DEFB114: variants seen among roughly 807,000 people sequenced by gnomAD.
The protein encoded by DEFB114 is beta-defensin 114.
DEFB114 carries 4 observed loss-of-function variants against 2.4 expected under a neutral mutation model. The ratio of observed to expected loss-of-function variants is 1.67; its 90% CI spans 0.82 to 3.82. The LOEUF (loss-of-function observed/expected upper bound fraction) is 3.82. Among genes scored for constraint, DEFB114 ranks in the 30% most tolerant of loss-of-function variants. The pLI, the probability that DEFB114 is intolerant of heterozygous loss-of-function variation, is 0.01. For synonymous variants in DEFB114, 35 were observed against 24.6 expected, an observed-to-expected ratio of 1.42 and a Z score of -1.26; for missense variants, 113 against 85.8, an observed-to-expected ratio of 1.32 and a Z score of -1.25.
intron 1 of DEFB114, among the ~76,000 whole-genome samples, chr6:49,962,691 T>C (rs1400269055): frequency 1.3e-5 from 2 of 150,434 alleles, no homozygotes; most frequent in African/African-American, 4.8e-5. Context: ...TGCTTTATTG[T>C]TTTGCCTTTT....
At chr6:49,961,107 A>G (rs1016150198) in intron 1 of DEFB114, among the ~76,000 whole-genome samples, 1 of 150,684 alleles carries the variant, frequency 6.6e-6, no homozygotes, top group South Asian at 2.1e-4. Flanking sequence ...TATGTCACCA[A>G]TTGGTCTTCC....
At chr6:49,962,212 A>G (rs1357640849) in intron 1 of DEFB114, among the ~76,000 whole-genome samples, 3 of 150,492 alleles carry the variant, frequency 2.0e-5, no homozygotes, top group African/African-American at 7.3e-5. Flanking sequence ...TTCCAGAAGC[A>G]TTGAATAATA....
intron 1 of DEFB114, among the ~76,000 whole-genome samples, chr6:49,961,003 T>A (rs1236243650): frequency 6.6e-6 from 1 of 150,786 alleles, no homozygotes; most frequent in Non-Finnish European, 1.5e-5. Flanking sequence ...ATTTTTTACA[T>A]GCTTTGTTGA....
At chr6:49,963,856 A>G (rs534750447) in intron 1 of DEFB114, among the ~76,000 whole-genome samples, 195 bp downstream of exon 1, 2 of 150,096 alleles carry the variant, frequency 1.3e-5, no homozygotes, top group East Asian at 1.9e-4. Context: ...TTTTATCTAC[A>G]TATTTGGAGA....
chr6:49,962,291 C>CCT (rs1318466258), intron 1 of DEFB114, among the ~76,000 whole-genome samples: 1 of 150,362 alleles, frequency 6.7e-6, no homozygotes, highest in Non-Finnish European at 1.5e-5. Flanking sequence ...TGAATGTAGA[C>CCT]ACCTCATATA....
chr6:49,962,791 GCAATGGAAC>G (rs1339523970), intron 1 of DEFB114, among the ~76,000 whole-genome samples: 1 of 150,184 alleles, frequency 6.7e-6, no homozygotes, highest in Non-Finnish European at 1.5e-5. Context: ...ATATGGCTAT[GCAATGGAAC>G]CAGCCCTATT....
chr6:49,963,916 C>A (rs1417828238), intron 1 of DEFB114, 135 bp downstream of exon 1: 2 of 636,176 alleles, frequency 3.1e-6, no homozygotes, highest in Non-Finnish European at 5.3e-6. Flanking sequence ...ATGAGGAAAC[C>A]AAGATTCAGT....
At chr6:49,960,867 T>C (rs369643641) in intron 1 of DEFB114, among the ~76,000 whole-genome samples, 5 of 150,964 alleles carry the variant, frequency 3.3e-5, no homozygotes, top group South Asian at 4.1e-4. Flanking sequence ...ATCCTTATGA[T>C]AGTTGTAAAA....
intron 1 of DEFB114, among the ~76,000 whole-genome samples, chr6:49,963,455 G>A (rs550022417): frequency 6.7e-6 from 1 of 149,816 alleles, no homozygotes; most frequent in African/African-American, 2.4e-5. Context: ...GTTTGTAACT[G>A]TCATTTTAAT....
Position 49,964,135 on chromosome 6 carries a change from A to G in DEFB114, c.-30T>C. The G allele has an allele frequency of 2.7e-6, 4 of 1,496,506 alleles. No individual in the cohort carries two copies. The South Asian group carries it at 3.6e-5, about 14-fold the overall frequency. The allele number at this position is 1,496,506 out of a possible 1,614,324, so 92.7% of individuals were successfully genotyped here. On this transcript the variant is annotated 5_prime_UTR_variant, in exon 1 of 2. Transcript: ENST00000322066. ...TAGAAAGAAGTTGTTGAAAGACTTG[A>G]TAACAGAATATAGAGACTATAGAAC...
chr6:49,962,397 T>C (rs1773477350), intron 1 of DEFB114, among the ~76,000 whole-genome samples: 1 of 150,486 alleles, frequency 6.6e-6, no homozygotes, highest in Admixed American at 6.6e-5. Flanking sequence ...CTAATAAATA[T>C]CTATCATTTA....
intron 1 of DEFB114, 21 bp downstream of exon 1, chr6:49,964,030 T>A: frequency 6.5e-7 from 1 of 1,529,602 alleles, no homozygotes; most frequent in Non-Finnish European, 8.9e-7. Context: ...TACACAAATA[T>A]AACAGAGACA....
intron 1 of DEFB114, among the ~76,000 whole-genome samples, chr6:49,963,496 A>C (rs1450088481): frequency 6.7e-6 from 1 of 149,806 alleles, no homozygotes; most frequent in Non-Finnish European, 1.5e-5. Context: ...CATCAGTTAA[A>C]ATTTTAGTTA....
chr6:49,962,725 T>G (rs1300925127), intron 1 of DEFB114, among the ~76,000 whole-genome samples: 1 of 150,314 alleles, frequency 6.7e-6, no homozygotes, highest in Admixed American at 6.6e-5. Flanking sequence ...CTCAGGTTAT[T>G]TGGAATGAGA....
At chr6:49,963,641 A>G (rs1773496597) in intron 1 of DEFB114, among the ~76,000 whole-genome samples, 1 of 149,956 alleles carries the variant, frequency 6.7e-6, no homozygotes, top group South Asian at 2.1e-4. Flanking sequence ...CCATTTGATC[A>G]TCTTATAGAT....
At position 49,960,397 on chromosome 6, in the gene DEFB114, A is replaced by G. The variant is rs774353512; in HGVS notation, c.105T>C (p.Arg35=). The G allele has an allele frequency of 6.2e-7, 1 of 1,608,148 alleles. No homozygotes were observed. Among genetic ancestry groups the G allele is most frequent in the South Asian group, 1.1e-5 (1 of 90,808 alleles). Residue 35 remains arginine (R), a synonymous_variant, in exon 2 of 2, where the codon CGT becomes CGC. Coordinates refer to ENST00000322066, the MANE Select transcript of DEFB114 (RefSeq NM_001037499.2). ...NADRCTKRYG[R]CKRDCLESEK... ...CACTCTCAAGACAGTCTCTTTTACA[A>G]CGACCGTAACGTTTGGTGCAACGAT...
At chr6:49,962,461 T>C (rs1404629269) in intron 1 of DEFB114, among the ~76,000 whole-genome samples, 3 of 150,546 alleles carry the variant, frequency 2.0e-5, no homozygotes, top group African/African-American at 7.2e-5. Context: ...TTTATACTGT[T>C]TTATGTATGT....
At position 49,964,136 on chromosome 6, in the gene DEFB114, T is replaced by C. The variant is rs770283612; in HGVS notation, c.-31A>G. The C allele has an allele frequency of 2.7e-6, 4 of 1,496,370 alleles. No homozygotes were observed. Among genetic ancestry groups the C allele is most frequent in the Admixed American group, 1.8e-5 (1 of 54,242 alleles). 92.7% of individuals were successfully genotyped at this position (1,496,370 alleles called of 1,614,324 possible). ...AGAAAGAAGTTGTTGAAAGACTTGA[T>C]AACAGAATATAGAGACTATAGAACT... On this transcript the variant is annotated 5_prime_UTR_variant, in exon 1 of 2. Coordinates refer to ENST00000322066, the MANE Select transcript of DEFB114 (RefSeq NM_001037499.2).
intron 1 of DEFB114, 35 bp from the exon 2 acceptor site, chr6:49,960,481 T>G (rs1773440362): frequency 2.6e-6 from 4 of 1,564,750 alleles, no homozygotes; most frequent in Non-Finnish European, 3.5e-6. Context: ...AATTCTAATC[T>G]TTTATTTAAG....
Sources: gnomAD v4.1 joint callset for allele counts (sites outside exome capture counted in the v4.1 genomes callset) on GRCh38, gnomAD v4.1.1 for gene constraint, MANE v1.5 for transcripts, NCBI Gene and HGNC (gene_info 2026-07-23, HGNC 2026-07-21) for gene names.